Variants in MACROD2 observed in about 807,000 individuals in gnomAD.
The protein encoded by MACROD2 is mono-ADP ribosylhydrolase 2.
A neutral mutation model predicts 70.4 loss-of-function variants in MACROD2; 36 were observed. That is an observed-to-expected ratio of 0.51 (90% CI 0.39 to 0.68). MACROD2 has a LOEUF of 0.68. Ranked by LOEUF, MACROD2 falls within the 30% of genes least tolerant of loss-of-function variation. The probability of loss-of-function intolerance (pLI) is 0.00; values close to 1 mark genes in which losing one functional copy is unlikely to be tolerated. For missense variants in MACROD2, 496 were observed against 538.4 expected, an observed-to-expected ratio of 0.92 and a Z score of 0.78; for synonymous variants, 172 against 178.8, an observed-to-expected ratio of 0.96 and a Z score of 0.30.
At chr20:15,510,720 C>T (rs958519962) in intron 8 of MACROD2, among the ~76,000 whole-genome samples, 7 of 152,288 alleles carry the variant, frequency 4.6e-5, no homozygotes, top group African/African-American at 1.7e-4. Flanking sequence ...TTTCATGGCT[C>T]AATGGAAAAC....
At chr20:15,775,376 C>G (rs1253697700) in intron 8 of MACROD2, among the ~76,000 whole-genome samples, 1 of 152,068 alleles carries the variant, frequency 6.6e-6, no homozygotes, top group Non-Finnish European at 1.5e-5. Context: ...GTTCTCTTAT[C>G]AGCCAAAAAA....
At chr20:14,968,655 C>G (rs1322401038) in intron 5 of MACROD2, among the ~76,000 whole-genome samples, 1 of 152,172 alleles carries the variant, frequency 6.6e-6, no homozygotes, top group Non-Finnish European at 1.5e-5. Context: ...GGCTCCACCC[C>G]CAGAGTTTCT....
chr20:15,381,676 A>G (rs2045646185), intron 6 of MACROD2, among the ~76,000 whole-genome samples: 1 of 152,038 alleles, frequency 6.6e-6, no homozygotes, highest in East Asian at 1.9e-4. Context: ...AAAAAGACTA[A>G]AAACAAAAAA....
At chr20:15,073,019 CT>C (rs1187369095) in intron 5 of MACROD2, among the ~76,000 whole-genome samples, 1 of 152,114 alleles carries the variant, frequency 6.6e-6, no homozygotes, top group Non-Finnish European at 1.5e-5. Context: ...CTTGCCCTTT[CT>C]TTGCCCTTCT....
intron 5 of MACROD2, among the ~76,000 whole-genome samples, chr20:14,807,339 C>T (rs559630108): frequency 6.6e-6 from 1 of 152,224 alleles, no homozygotes; most frequent in South Asian, 2.1e-4. Flanking sequence ...AGAAGACCTA[C>T]AGAAGAGGGG....
intron 3 of MACROD2, among the ~76,000 whole-genome samples, chr20:14,174,533 C>T (rs6135083): frequency 6.6e-6 from 1 of 152,302 alleles, no homozygotes; most frequent in East Asian, 1.9e-4. Context: ...TCCAACAGCA[C>T]TGAGTTTATT....
intron 3 of MACROD2, among the ~76,000 whole-genome samples, chr20:14,187,139 G>GAA (rs71335951): frequency 1.4e-4 from 16 of 112,984 alleles, no homozygotes; most frequent in South Asian, 3.0e-4. Flanking sequence ...TTTAAAAAAG[G>GAA]AAAAAAAAAA....
At chr20:15,320,288 G>T (rs968842146) in intron 6 of MACROD2, among the ~76,000 whole-genome samples, 2 of 152,176 alleles carry the variant, frequency 1.3e-5, no homozygotes, top group African/African-American at 4.8e-5. Flanking sequence ...ATTGAGTAAG[G>T]AATTCCCTTT....
At chr20:15,324,735 C>G (rs964168791) in intron 6 of MACROD2, among the ~76,000 whole-genome samples, 17 of 152,058 alleles carry the variant, frequency 1.1e-4, no homozygotes, top group Non-Finnish European at 1.6e-4. Context: ...TTAAATAAAT[C>G]CCACTGTCAA....
At chr20:14,871,657 A>C (rs1383504388) in intron 5 of MACROD2, among the ~76,000 whole-genome samples, 1 of 152,164 alleles carries the variant, frequency 6.6e-6, no homozygotes, top group Non-Finnish European at 1.5e-5. Context: ...ACAGGATCAA[A>C]TATATACATG....
At chr20:14,120,300 T>A (rs1569167200) in intron 3 of MACROD2, among the ~76,000 whole-genome samples, 1 of 146,864 alleles carries the variant, frequency 6.8e-6, no homozygotes, top group East Asian at 2.0e-4. Flanking sequence ...TCATCAGAAA[T>A]GCACAACAAA....
At chr20:14,528,361 T>C (rs545087817) in intron 4 of MACROD2, among the ~76,000 whole-genome samples, 3 of 147,120 alleles carry the variant, frequency 2.0e-5, no homozygotes, top group Non-Finnish European at 3.0e-5. Flanking sequence ...TCCATGTTGG[T>C]CAGGCTGGTC....
chr20:15,879,138 T>A (rs2064717291), intron 9 of MACROD2, among the ~76,000 whole-genome samples: 1 of 152,118 alleles, frequency 6.6e-6, no homozygotes, highest in African/African-American at 2.4e-5. Context: ...GATTGATTGC[T>A]CTCTATTTAG....
At chr20:14,371,796 C>G (rs2083326214) in intron 3 of MACROD2, among the ~76,000 whole-genome samples, 1 of 151,978 alleles carries the variant, frequency 6.6e-6, no homozygotes, top group African/African-American at 2.4e-5. Context: ...CCTAGGTTCT[C>G]TCTTCCATGA....
intron 8 of MACROD2, among the ~76,000 whole-genome samples, chr20:15,504,718 C>A (rs2047404384): frequency 1.3e-5 from 2 of 152,120 alleles, no homozygotes; most frequent in South Asian, 4.1e-4. Flanking sequence ...AAAAGAATAT[C>A]AGAGTTGGCA....
chr20:15,505,621 C>T (rs2047416421), intron 8 of MACROD2, among the ~76,000 whole-genome samples: 1 of 152,132 alleles, frequency 6.6e-6, no homozygotes, highest in African/African-American at 2.4e-5. Flanking sequence ...TCCCTAATAT[C>T]CTCCCTCCTA....
chr20:15,633,832 G>A (rs377378098), intron 8 of MACROD2, among the ~76,000 whole-genome samples: 1 of 152,176 alleles, frequency 6.6e-6, no homozygotes, highest in Non-Finnish European at 1.5e-5. Context: ...TGTTTTAGGA[G>A]TGTTCACTCT....
intron 4 of MACROD2, among the ~76,000 whole-genome samples, chr20:14,682,787 T>C (rs984362691): frequency 6.6e-6 from 1 of 152,222 alleles, no homozygotes; most frequent in Non-Finnish European, 1.5e-5. Context: ...GTTAATAATT[T>C]CATGTAATAA....
At position 15,779,939 on chromosome 20, in the gene MACROD2, A is replaced by G. The variant is rs189009414; in HGVS notation, c.646-82806A>G. On this transcript the variant is annotated intron_variant, in intron 8 of 17. Coordinates refer to ENST00000684519, the MANE Select transcript of MACROD2 (RefSeq NM_001351661.2). ...TGCCATTCTTGTATGAAAAACAGGA[A>G]AAAGATAAGTTATAAGGCATTTTAG... 4.6e-5 allele frequency among the ~76,000 whole-genome samples: 7 copies of G among 152,252 alleles called. No individual in the cohort carries two copies. The East Asian group carries it at 1.4e-3, about 29-fold the overall frequency.
Sources: allele counts gnomAD v4.1 joint callset (sites outside exome capture counted in the v4.1 genomes callset), GRCh38; gene constraint gnomAD v4.1.1; transcripts MANE v1.5; gene names NCBI Gene and HGNC (gene_info 2026-07-23, HGNC 2026-07-21).